The following FGD5 variants were observed in gnomAD, a reference collection of about 807,000 sequenced individuals.
FGD5 encodes the protein FYVE, RhoGEF and PH domain-containing protein 5.
In FGD5, 28 loss-of-function variants were observed where a neutral mutation model predicts 133.4. That is an observed-to-expected ratio of 0.21 (90% CI 0.16 to 0.29). The LOEUF is 0.29. FGD5 is among the 10% of genes least tolerant of loss of function. The pLI is 1.00. For synonymous variants in FGD5, 810 were observed against 776.5 expected, an observed-to-expected ratio of 1.04 and a Z score of -0.72; for missense variants, 1,858 against 1,895.2, an observed-to-expected ratio of 0.98 and a Z score of 0.36.
chr3:14,851,365 T>C (rs1623112), intron 1 of FGD5, among the ~76,000 whole-genome samples: 103,202 of 152,184 alleles, frequency 0.68, 35,335 homozygotes, highest in African/African-American at 0.76. Context: ...CCAAGGTCAT[T>C]GGGCTGATAA....
intron 9 of FGD5, among the ~76,000 whole-genome samples, chr3:14,902,987 G>A (rs2038270884): frequency 6.6e-6 from 1 of 152,260 alleles, no homozygotes; most frequent in Non-Finnish European, 1.5e-5. Flanking sequence ...GCTGTGGACA[G>A]CTGCACCAGG....
At chr3:14,831,261 A>C (rs926468752) in intron 1 of FGD5, among the ~76,000 whole-genome samples, 10 of 152,294 alleles carry the variant, frequency 6.6e-5, no homozygotes, top group Admixed American at 5.2e-4. Flanking sequence ...TACTTGAAAG[A>C]GATGCCATTG....
intron 1 of FGD5, among the ~76,000 whole-genome samples, chr3:14,850,112 G>GC (rs1249438314): frequency 6.6e-6 from 1 of 152,200 alleles, no homozygotes; most frequent in Non-Finnish European, 1.5e-5. Context: ...TGACTCCCCG[G>GC]CCCTTCCTGC....
intron 1 of FGD5, among the ~76,000 whole-genome samples, chr3:14,836,075 C>G (rs558930585): frequency 3.3e-5 from 5 of 152,308 alleles, no homozygotes; most frequent in African/African-American, 1.2e-4. Flanking sequence ...AGACGTAGAA[C>G]CCAGGGGCAT....
Position 14,871,309 on chromosome 3 carries a change from A to G in FGD5, c.2658+7049A>G, listed in dbSNP as rs145190329. ...TGCCTAGTACATTAAGATATAGTCA[A>G]TGAATATCTTCAAATAAGTTAATAA... On this transcript the variant is annotated intron_variant, in intron 2 of 19. Coordinates refer to ENST00000285046, the MANE Select transcript of FGD5 (RefSeq NM_152536.4). Among the ~76,000 whole-genome samples the G allele has an allele frequency of 3.5e-3, 539 of 152,340 alleles. 1 individual carries two copies. Among genetic ancestry groups the G allele is most frequent in the Middle Eastern group, 0.01 (3 of 294 alleles).
chr3:14,870,168 T>C (rs913484082), intron 2 of FGD5, among the ~76,000 whole-genome samples: 1 of 151,294 alleles, frequency 6.6e-6, no homozygotes, highest in South Asian at 2.1e-4. Flanking sequence ...GAGCCCGCAC[T>C]GTGAAGCCCT....
intron 11 of FGD5, among the ~76,000 whole-genome samples, chr3:14,913,198 A>G (rs1420988895): frequency 6.6e-6 from 1 of 152,206 alleles, no homozygotes; most frequent in Non-Finnish European, 1.5e-5. Context: ...CCCCCAGGAA[A>G]GTGGAAAGAC....
At chr3:14,918,713 T>G in intron 12 of FGD5, 41 bp from the exon 13 acceptor site, 30 of 1,295,432 alleles carry the variant, frequency 2.3e-5, no homozygotes, top group Non-Finnish European at 2.9e-5. Context: ...CACTTGCCCC[T>G]CCCTGCCCCA....
chr3:14,821,706 A>G (rs1480738913), intron 1 of FGD5, 110 bp downstream of exon 1: 2 of 1,409,254 alleles, frequency 1.4e-6, no homozygotes, highest in Non-Finnish European at 1.9e-6. Flanking sequence ...TCTGTTTCTT[A>G]CTAGCTGTGT....
At chr3:14,923,294 C>T in intron 16 of FGD5, 119 bp downstream of exon 16, 5 of 1,385,104 alleles carry the variant, frequency 3.6e-6, no homozygotes, top group Non-Finnish European at 4.8e-6. Context: ...GGGAGTTATT[C>T]ACTCCATGGA....
intron 1 of FGD5, among the ~76,000 whole-genome samples, chr3:14,860,277 A>C (rs528590113): frequency 6.6e-6 from 1 of 152,108 alleles, no homozygotes; most frequent in South Asian, 2.1e-4. Flanking sequence ...TGGTTTGTCC[A>C]CTCTCTGGGC....
At chr3:14,932,423 A>G in intron 18 of FGD5, 154 bp from the exon 19 acceptor site, 40 of 689,802 alleles carry the variant, frequency 5.8e-5, no homozygotes, top group Middle Eastern at 3.7e-4. Context: ...CTCTGGGGGG[A>G]AGCGAGGGTC....
rs1199411647 is a variant in FGD5, at chr3:14,923,069, G to C, written c.3831G>C (p.Arg1277=). The change falls in exon 16 of 20, where the codon CGG becomes CGC. Residue 1277 remains arginine (R), a synonymous_variant. Coordinates refer to ENST00000285046, the MANE Select transcript of FGD5 (RefSeq NM_152536.4). The part of the protein sequence containing the change: ...CGKIVCRNCS[R]NKYPLKYLKD... ...AGATCGTGTGCCGGAACTGTTCGCG[G>C]AACAAGTACCCGCTGAAGTACCTGA... 3.1e-6 allele frequency: 5 copies of C among 1,613,798 alleles called. No individual in the cohort carries two copies. Among genetic ancestry groups the C allele is most frequent in the Non-Finnish European group, 4.2e-6 (5 of 1,179,884 alleles).
chr3:14,810,794 C>G, upstream of FGD5: 1 of 984,090 alleles, frequency 1.0e-6, no homozygotes. Flanking sequence ...TGCGGAGTCG[C>G]ACTGGGACCC....
intron 1 of FGD5, among the ~76,000 whole-genome samples, chr3:14,856,246 T>A (rs1480044869): frequency 6.6e-6 from 1 of 152,208 alleles, no homozygotes; most frequent in Non-Finnish European, 1.5e-5. Flanking sequence ...CTGTTTTTAT[T>A]CCAGTGCCAT....
chr3:14,918,901 A>T, intron 13 of FGD5, 68 bp downstream of exon 13: 3 of 1,528,096 alleles, frequency 2.0e-6, no homozygotes, highest in Admixed American at 3.4e-5. Context: ...TCAGAACAAC[A>T]GATAAGGATG....
Position 14,926,065 on chromosome 3 carries a change from G to A in FGD5, c.4069-5G>A. 6.2e-7 allele frequency: 1 copy of A among 1,613,366 alleles called. No individual in the cohort carries two copies. Among genetic ancestry groups the A allele is most frequent in the Non-Finnish European group, 8.5e-7 (1 of 1,179,646 alleles). On this transcript the variant is annotated splice_region_variant and splice_polypyrimidine_tract_variant and intron_variant, in intron 17 of 19. Coordinates refer to ENST00000285046, the MANE Select transcript of FGD5 (RefSeq NM_152536.4). Reference sequence around the variant, plus strand: ...GGGCTGACCGCTCTGCTTCCCTCCTGCCAGGTGGCTGCCTCTGGAGAGGGC... The same window carrying A: ...GGGCTGACCGCTCTGCTTCCCTCCTACCAGGTGGCTGCCTCTGGAGAGGGC...
At chr3:14,900,585 T>A in intron 8 of FGD5, 132 bp downstream of exon 8, 1 of 998,102 alleles carries the variant, frequency 1.0e-6, no homozygotes, top group Non-Finnish European at 1.5e-6. Flanking sequence ...GTTCTGCATA[T>A]GACACATCTT....
chr3:14,859,884 C>T (rs1015154543), intron 1 of FGD5, among the ~76,000 whole-genome samples: 2 of 86,802 alleles, frequency 2.3e-5, no homozygotes, highest in South Asian at 7.1e-4. Context: ...CGAACCACTC[C>T]CCCCCCAAAA....
Sources: allele counts gnomAD v4.1 joint callset (sites outside exome capture counted in the v4.1 genomes callset), GRCh38; gene constraint gnomAD v4.1.1; transcripts MANE v1.5; gene names NCBI Gene and HGNC (gene_info 2026-07-23, HGNC 2026-07-21).